Variants in SRFBP1 observed in about 807,000 individuals in gnomAD.
SRFBP1 encodes serum response factor binding protein 1, also known as serum response factor-binding protein 1.
Under a neutral mutation model 45.5 loss-of-function variants are expected in SRFBP1, and 47 were observed. That is an observed-to-expected ratio of 1.03 (90% CI 0.82 to 1.32). SRFBP1 has a LOEUF of 1.32. Ranked by LOEUF, SRFBP1 falls within the 40% of genes most tolerant of loss-of-function variation. The pLI, the probability that SRFBP1 is intolerant of heterozygous loss-of-function variation, is 0.00. For synonymous variants in SRFBP1, 203 were observed against 166.3 expected (o/e 1.22, Z -1.70); for missense variants, 621 against 484.6 (o/e 1.28, Z -2.64).
At chr5:122,057,468 T>C (rs1470876841) in intron 2 of SRFBP1, among the ~76,000 whole-genome samples, 1 of 148,114 alleles carries the variant, frequency 6.8e-6, no homozygotes, top group Non-Finnish European at 1.5e-5. Context: ...TCTGTGTGTG[T>C]GTGTGTGTGT....
intron 3 of SRFBP1, among the ~76,000 whole-genome samples, chr5:121,976,428 A>G (rs115910730): frequency 0.019 from 2,815 of 151,298 alleles, 63 homozygotes; most frequent in African/African-American, 0.055. Context: ...GTCAGTGATC[A>G]TTTGTGTCTC....
At chr5:121,964,151 A>T (rs1238318830) in intron 1 of SRFBP1, among the ~76,000 whole-genome samples, 1 of 152,126 alleles carries the variant, frequency 6.6e-6, no homozygotes, top group Non-Finnish European at 1.5e-5. Context: ...CAGCTACTGT[A>T]CTAGCTTCCC....
At chr5:122,001,377 C>CTTTTATTTTTATTTTTTATTTT in intron 4 of SRFBP1, among the ~76,000 whole-genome samples, 1 of 148,834 alleles carries the variant, frequency 6.7e-6, no homozygotes, top group Non-Finnish European at 1.5e-5. Context: ...AATCATGGCC[C>CTTTTATTTTTATTTTTTATTTT]TTTTATTTTT....
intron 2 of SRFBP1, among the ~76,000 whole-genome samples, chr5:122,056,748 A>T (rs906982466): frequency 2.0e-5 from 3 of 152,164 alleles, no homozygotes; most frequent in African/African-American, 7.2e-5. Context: ...CAAATAAGAG[A>T]AGATGCATCA....
intron 2 of SRFBP1, among the ~76,000 whole-genome samples, chr5:122,061,636 G>A (rs1189384637): frequency 6.6e-6 from 1 of 151,934 alleles, no homozygotes; most frequent in Non-Finnish European, 1.5e-5. Flanking sequence ...TGAAGAAAAT[G>A]ATTGTTTCAC....
In SRFBP1 at chr5:121,962,433, C is replaced by T. The variant is rs1034037235; in HGVS notation, c.36+365C>T. ...AAGTGCCTGACCCTTAATAAACTTTCAGTACACATTACCTGCTCTTTATTG... is the reference window on the plus strand; with the variant it reads ...AAGTGCCTGACCCTTAATAAACTTTTAGTACACATTACCTGCTCTTTATTG... On this transcript the variant is annotated intron_variant, in intron 1 of 7. Transcript: ENST00000339397. Among the ~76,000 whole-genome samples, 132 of 152,286 alleles carry T rather than the reference C, an allele frequency of 8.7e-4. 1 individual carries two copies. Among genetic ancestry groups the T allele is most frequent in the African/African-American group, 3.1e-3 (129 of 41,572 alleles).
At chr5:121,967,256 A>G (rs1580495529) in intron 1 of SRFBP1, among the ~76,000 whole-genome samples, 1 of 152,348 alleles carries the variant, frequency 6.6e-6, no homozygotes, top group East Asian at 1.9e-4. Flanking sequence ...GTATGCGCTT[A>G]TGAAGTTACA....
At chr5:122,030,821 A>G (rs1009773267), downstream of SRFBP1, among the ~76,000 whole-genome samples, 3 of 152,222 alleles carry the variant, frequency 2.0e-5, no homozygotes, top group Non-Finnish European at 4.4e-5. Flanking sequence ...AGAGATTTCA[A>G]CGACCATACA....
intron 2 of SRFBP1, among the ~76,000 whole-genome samples, chr5:122,058,802 A>T (rs1754126696): frequency 6.6e-6 from 1 of 152,112 alleles, no homozygotes; most frequent in Non-Finnish European, 1.5e-5. Context: ...TAAATTTGTG[A>T]TTCTGTGAAC....
intron 1 of SRFBP1, among the ~76,000 whole-genome samples, chr5:121,965,493 T>C (rs940308296): frequency 1.3e-5 from 2 of 152,200 alleles, no homozygotes; most frequent in Non-Finnish European, 2.9e-5. Flanking sequence ...AAAGATCAGA[T>C]GTTTGTAGAT....
chr5:122,063,117 C>T (rs1754209120), intron 2 of SRFBP1: 1 of 151,834 alleles, frequency 6.6e-6, no homozygotes, highest in Admixed American at 6.6e-5. Context: ...GAAACTAACA[C>T]CATATCCATG....
intron 2 of SRFBP1, among the ~76,000 whole-genome samples, chr5:122,073,215 T>A (rs949471749): frequency 6.6e-6 from 1 of 152,212 alleles, no homozygotes; most frequent in African/African-American, 2.4e-5. Context: ...CAAATTATAA[T>A]GTCCTTTTAC....
At chr5:122,010,736 CA>C (rs1350978155) in intron 4 of SRFBP1, among the ~76,000 whole-genome samples, 1 of 150,246 alleles carries the variant, frequency 6.7e-6, no homozygotes, top group Non-Finnish European at 1.5e-5. Flanking sequence ...TTAATTTTCA[CA>C]AAAAAACTGT....
At chr5:121,977,434 T>C (rs1357656455) in intron 3 of SRFBP1, among the ~76,000 whole-genome samples, 2 of 152,122 alleles carry the variant, frequency 1.3e-5, no homozygotes, top group Non-Finnish European at 2.9e-5. Context: ...TTGCTGTTCT[T>C]ACGTGTCAAA....
At position 121,984,243 on chromosome 5, in the gene SRFBP1, A is replaced by C. The variant is rs560443513; in HGVS notation, c.198+8856A>C. On this transcript the variant is annotated intron_variant, in intron 3 of 7. Transcript: ENST00000339397. Reference sequence around the variant, plus strand: ...ATGGATGGGAGTTTTGTATGATTGGAGAAAGCTCCTCTAGTAATTTGGTTA... The same window carrying C: ...ATGGATGGGAGTTTTGTATGATTGGCGAAAGCTCCTCTAGTAATTTGGTTA... Among the ~76,000 whole-genome samples, 27 of 151,962 alleles carry C rather than the reference A, an allele frequency of 1.8e-4. No individual in the cohort carries two copies. In the South Asian group the frequency reaches 5.6e-3, roughly 32 times the overall value.
At position 122,071,149 on chromosome 5, in the gene SRFBP1, C is replaced by T. The variant is rs79090553; in HGVS notation, n.312-4166C>T. Among the ~76,000 whole-genome samples the T allele has an allele frequency of 3.8e-3, 579 of 152,006 alleles. 12 individuals carry two copies. The East Asian group carries it at 0.045, about 12-fold the overall frequency. ...TTACGTTGTATCTTTGAATAACTAA[C>T]ATTTATTAAATAGTATGTGGCAGGA... is the stretch of plus-strand genomic sequence containing the variant. On this transcript the variant is annotated intron_variant and non_coding_transcript_variant, in intron 2 of 2. Transcript: ENST00000504881.
chr5:121,981,733 C>A (rs1462928306), intron 3 of SRFBP1, among the ~76,000 whole-genome samples: 3 of 151,964 alleles, frequency 2.0e-5, no homozygotes, highest in Admixed American at 2.0e-4. Context: ...CCTGGCACTT[C>A]TGCTCTAATC....
intron 5 of SRFBP1, 28 bp downstream of exon 5, chr5:122,019,369 G>T: frequency 6.5e-7 from 1 of 1,547,484 alleles, no homozygotes. Context: ...TTTAAGCCAT[G>T]TACTTAATGT....
chr5:121,962,021 C>T lies in SRFBP1; in HGVS notation c.-12C>T, dbSNP rs1313175642. ...CGTGCAGGCAGCGGCGGATCATATT[C>T]CTTCATCTACCATGGCTCAGCCGGG... On this transcript the variant is annotated 5_prime_UTR_variant, in exon 1 of 8. Transcript: ENST00000339397. 4 of 1,613,936 alleles carry T rather than the reference C, an allele frequency of 2.5e-6. No homozygotes were observed. The highest frequency in any genetic ancestry group is 3.4e-6 in the Non-Finnish European group (4 of 1,179,992).
Sources: gnomAD v4.1 joint callset for allele counts (sites outside exome capture counted in the v4.1 genomes callset) on GRCh38, gnomAD v4.1.1 for gene constraint, MANE v1.5 for transcripts, NCBI Gene and HGNC (gene_info 2026-07-23, HGNC 2026-07-21) for gene names.